Variants in MERTK observed in about 807,000 individuals in gnomAD.
MERTK encodes the protein MER proto-oncogene, tyrosine kinase, also known as tyrosine-protein kinase Mer.
In MERTK, 69 loss-of-function variants were observed where a neutral mutation model predicts 99.3. The observed-to-expected ratio is 0.70, with a 90% CI of 0.57 to 0.85. MERTK has a LOEUF of 0.85. MERTK is among the 40% of genes least tolerant of loss of function. The pLI is 0.00. For missense variants in MERTK, 1,125 were observed against 1,249.4 expected, an observed-to-expected ratio of 0.90 and a Z score of 1.50; for synonymous variants, 426 against 467.6, an observed-to-expected ratio of 0.91 and a Z score of 1.15.
intron 2 of MERTK, among the ~76,000 whole-genome samples, chr2:111,931,689 GAAAAA>G (rs529477616): frequency 2.8e-5 from 3 of 107,076 alleles, no homozygotes; most frequent in Non-Finnish European, 6.2e-5. Flanking sequence ...CATCTCAAAA[GAAAAA>G]AAAAAAAAAA....
chr2:111,916,094 A>G (rs1001234423), intron 1 of MERTK, among the ~76,000 whole-genome samples: 1 of 152,100 alleles, frequency 6.6e-6, no homozygotes, highest in Non-Finnish European at 1.5e-5. Context: ...AGAGTGTTCT[A>G]TAAATATAGA....
In MERTK at chr2:111,957,917, G is replaced by A. The variant is rs551401150; in HGVS notation, c.758-7274G>A. 2.4e-4 allele frequency among the ~76,000 whole-genome samples: 37 copies of A among 152,306 alleles called. No individual in the cohort carries two copies. The South Asian group carries it at 7.0e-3, about 29-fold the overall frequency. Reference sequence around the variant, plus strand: ...CAGAACTCAAAGAACTGGCTCAACTGTGCTCTTAGGAGTTGCTCCCTCAGC... The same window carrying A: ...CAGAACTCAAAGAACTGGCTCAACTATGCTCTTAGGAGTTGCTCCCTCAGC... On this transcript the variant is annotated intron_variant, in intron 4 of 18. Transcript: ENST00000295408.
intron 4 of MERTK, among the ~76,000 whole-genome samples, chr2:111,963,674 TG>T (rs1182601312): frequency 1.3e-5 from 2 of 152,152 alleles, no homozygotes; most frequent in African/African-American, 4.8e-5. Context: ...AGCACGGGGT[TG>T]GGGGTAAGGT....
chr2:111,898,675 A>T lies in MERTK; in HGVS notation c.-61A>T. The T allele has an allele frequency of 6.4e-7, 1 of 1,560,994 alleles. No homozygotes were observed. Among genetic ancestry groups the T allele is most frequent in the South Asian group, 1.2e-5 (1 of 85,824 alleles). ...TGGCGCGCTTGGCCGGCGACAGGAC[A>T]GGTTCGGGACGTCCATCTGTCCATC... On this transcript the variant is annotated 5_prime_UTR_variant, in exon 1 of 19. Coordinates refer to ENST00000295408, the MANE Select transcript of MERTK (RefSeq NM_006343.3).
At position 112,029,080 on chromosome 2, in the gene MERTK, A is replaced by G; in HGVS notation, c.*216A>G. The stretch of plus-strand genomic sequence containing the variant: ...TATGTGTATATCATGGAAAAAGACA[A>G]GGATATTTTAATAAAACATTACTTA... On this transcript the variant is annotated 3_prime_UTR_variant, in exon 19 of 19. Transcript: ENST00000295408. The G allele has an allele frequency of 7.9e-7, 1 of 1,262,264 alleles. No individual in the cohort carries two copies. The highest frequency in any genetic ancestry group is 1.0e-6 in the Non-Finnish European group (1 of 996,080). The allele number at this position is 1,262,264 out of a possible 1,614,324, so 78.2% of individuals were successfully genotyped here.
At chr2:111,911,365 C>T (rs910705644) in intron 1 of MERTK, among the ~76,000 whole-genome samples, 7 of 151,910 alleles carry the variant, frequency 4.6e-5, no homozygotes, top group Admixed American at 4.6e-4. Context: ...TTTTATTTAT[C>T]CAATCTCCTC....
chr2:111,932,835 T>A (rs543601104), intron 2 of MERTK, among the ~76,000 whole-genome samples: 1 of 152,268 alleles, frequency 6.6e-6, no homozygotes, highest in African/African-American at 2.4e-5. Context: ...GGTTGGAATG[T>A]CTCTGGTCAG....
intron 15 of MERTK, among the ~76,000 whole-genome samples, chr2:112,014,289 G>A (rs1218030176): frequency 9.2e-5 from 14 of 152,080 alleles, no homozygotes; most frequent in Non-Finnish European, 1.5e-4. Flanking sequence ...CCAAAGTGCT[G>A]GGATTACAGG....
At chr2:111,944,872 A>G (rs1313434010) in intron 2 of MERTK, 88 bp from the exon 3 acceptor site, 2 of 1,101,286 alleles carry the variant, frequency 1.8e-6, no homozygotes, top group Non-Finnish European at 2.7e-6. Flanking sequence ...ATCACAGCAT[A>G]TGACAAAGAA....
chr2:111,914,180 C>A (rs540408535), intron 1 of MERTK, among the ~76,000 whole-genome samples: 1 of 146,978 alleles, frequency 6.8e-6, no homozygotes, highest in East Asian at 2.1e-4. Context: ...TCTTGGCTCA[C>A]TGCAACCTCT....
In MERTK at chr2:111,968,219, T is replaced by C; in HGVS notation, c.927T>C (p.Asp309=). The C allele has an allele frequency of 6.2e-7, 1 of 1,614,028 alleles. No homozygotes were observed. Among genetic ancestry groups the C allele is most frequent in the Middle Eastern group, 1.6e-4 (1 of 6,062 alleles). ...TGATCTCCTGGGTTCCTGGTTTTGA[T>C]GGATACTCCCCGTTCAGGAATTGCA... ...SILISWVPGF[D]GYSPFRNCSI... is the part of the protein sequence containing the mutation. Residue 309 remains aspartate, a synonymous_variant, in exon 6 of 19, where the codon GAT becomes GAC. Coordinates refer to ENST00000295408, the MANE Select transcript of MERTK (RefSeq NM_006343.3).
At chr2:112,020,043 G>A (rs1325368138) in intron 16 of MERTK, among the ~76,000 whole-genome samples, 1 of 152,178 alleles carries the variant, frequency 6.6e-6, no homozygotes, top group Non-Finnish European at 1.5e-5. Flanking sequence ...GCCATTGTCT[G>A]CTGTAAATCT....
At chr2:111,907,120 A>G (rs1684151524) in intron 1 of MERTK, among the ~76,000 whole-genome samples, 1 of 152,218 alleles carries the variant, frequency 6.6e-6, no homozygotes, top group South Asian at 2.1e-4. Context: ...GTTTCATTAA[A>G]AATGAGTGAT....
At chr2:111,957,550 T>C (rs769926533) in intron 4 of MERTK, among the ~76,000 whole-genome samples, 7 of 152,200 alleles carry the variant, frequency 4.6e-5, no homozygotes, top group Non-Finnish European at 8.8e-5. Flanking sequence ...ATAGTACTTA[T>C]CACCTTCTAA....
chr2:112,003,371 A>G, intron 12 of MERTK, 184 bp downstream of exon 12: 1 of 493,528 alleles, frequency 2.0e-6, no homozygotes, highest in Non-Finnish European at 3.6e-6. Context: ...CTGGCACATG[A>G]AAAGATTCTC....
At chr2:111,949,039 T>G (rs1182162755) in intron 4 of MERTK, among the ~76,000 whole-genome samples, 1 of 151,986 alleles carries the variant, frequency 6.6e-6, no homozygotes, top group African/African-American at 2.4e-5. Context: ...CCTTCCTGCC[T>G]CAGGACCTTT....
chr2:112,007,907 A>G (rs910092685), intron 13 of MERTK, among the ~76,000 whole-genome samples: 1 of 151,964 alleles, frequency 6.6e-6, no homozygotes, highest in South Asian at 2.1e-4. Flanking sequence ...TTTGTAGAGC[A>G]GTTTCAGGTT....
At chr2:111,934,820 A>G (rs1341413105) in intron 2 of MERTK, among the ~76,000 whole-genome samples, 2 of 152,118 alleles carry the variant, frequency 1.3e-5, no homozygotes, top group Non-Finnish European at 2.9e-5. Flanking sequence ...GGTACTGTCT[A>G]GGTTTTCTTC....
chr2:111,956,927 G>A (rs568824917), intron 4 of MERTK, among the ~76,000 whole-genome samples: 2 of 148,580 alleles, frequency 1.3e-5, no homozygotes, highest in Admixed American at 6.7e-5. Context: ...TAAGAGACCT[G>A]CCTTCTTTTT....
Sources: gnomAD v4.1 joint callset for allele counts (sites outside exome capture counted in the v4.1 genomes callset) on GRCh38, gnomAD v4.1.1 for gene constraint, MANE v1.5 for transcripts, NCBI Gene and HGNC (gene_info 2026-07-23, HGNC 2026-07-21) for gene names.